Variants in GTPBP1 observed in about 807,000 individuals in gnomAD.
The protein encoded by GTPBP1 is GTP binding protein 1.
Under a neutral mutation model 62.0 loss-of-function variants are expected in GTPBP1, and 23 were observed. The ratio of observed to expected loss-of-function variants is 0.37; its 90% CI spans 0.27 to 0.53. The LOEUF (loss-of-function observed/expected upper bound fraction) is 0.53. Among genes scored for constraint, GTPBP1 ranks in the 20% least tolerant of loss-of-function variants. The probability of loss-of-function intolerance (pLI) is 0.89; values close to 1 mark genes in which losing one functional copy is unlikely to be tolerated. For missense variants in GTPBP1, 640 were observed against 917.3 expected (o/e 0.70, Z 3.90); for synonymous variants, 344 against 364.4 (o/e 0.94, Z 0.64).
rs2092731177 is a variant in GTPBP1 at position 38,727,187 on chromosome 22, G to C, written c.1402-26G>C. ...AACCAGAAGGCATAATTGTCCCTGAGGGCTGGGGCTCCCTCTTTCTTTCAG... is the reference window on the plus strand; with the variant it reads ...AACCAGAAGGCATAATTGTCCCTGACGGCTGGGGCTCCCTCTTTCTTTCAG... On this transcript the variant is annotated intron_variant, in intron 8 of 11. Transcript: ENST00000216044. This position sits in a 1 kb window ranked among gnomAD's most constrained non-coding sequence, Gnocchi z 6.5. The C allele has an allele frequency of 6.5e-7, 1 of 1,549,390 alleles. No individual in the cohort carries two copies. Among genetic ancestry groups the C allele is most frequent in the East Asian group, 2.5e-5 (1 of 40,712 alleles).
downstream of GTPBP1, chr22:38,741,666 C>A: frequency 8.4e-7 from 1 of 1,186,042 alleles, no homozygotes; most frequent in South Asian, 1.3e-5. Context: ...CAAACAAGGT[C>A]TGTTTGCTTC....
At chr22:38,734,264 G>T, downstream of GTPBP1, 1 of 464,912 alleles carries the variant, frequency 2.2e-6, no homozygotes, top group Admixed American at 2.4e-5. Context: ...AAAGGTCAGG[G>T]CCTGTTTTTC....
intron 4 of GTPBP1, 139 bp from the exon 5 acceptor site, chr22:38,721,603 C>G (rs1236911258): frequency 3.1e-6 from 2 of 638,644 alleles, no homozygotes; most frequent in South Asian, 4.8e-5. Flanking sequence ...GATTTTGACG[C>G]CCCACATCAT....
At chr22:38,715,855 G>T in intron 2 of GTPBP1, 52 bp from the exon 3 acceptor site, 1 of 1,490,738 alleles carries the variant, frequency 6.7e-7, no homozygotes, top group Non-Finnish European at 9.1e-7. Context: ...TGGTTGGCAG[G>T]CTGGTTGGTC....
At chr22:38,706,729 G>A (rs1440671912) in intron 1 of GTPBP1, 1 of 152,248 alleles carries the variant, frequency 6.6e-6, no homozygotes, top group Non-Finnish European at 1.5e-5. Flanking sequence ...TACTTTTCGA[G>A]GCCACCCGAA....
At chr22:38,738,774 T>C (rs2092829002), downstream of GTPBP1, 6 of 1,611,598 alleles carry the variant, frequency 3.7e-6, no homozygotes, top group South Asian at 1.1e-5. The surrounding 1 kb of genome is among the most constrained non-coding windows in gnomAD (Gnocchi z 6.6). Flanking sequence ...CAGAAAGTCA[T>C]GTCAGGACAG....
downstream of GTPBP1, chr22:38,738,295 G>T (rs764991301): frequency 1.3e-6 from 2 of 1,594,218 alleles, no homozygotes; most frequent in East Asian, 4.5e-5. This position sits in a 1 kb window ranked among gnomAD's most constrained non-coding sequence, Gnocchi z 6.6. Flanking sequence ...AAGTGGGGAG[G>T]GGCTGGAGCA....
chr22:38,718,903 A>G (rs2092685048), intron 4 of GTPBP1, among the ~76,000 whole-genome samples: 2 of 152,262 alleles, frequency 1.3e-5, no homozygotes, highest in Non-Finnish European at 2.9e-5. Context: ...AGAATAGTAT[A>G]ACCAATACCA....
chr22:38,706,136 C>G lies in GTPBP1; in HGVS notation c.181C>G (p.Leu61Val), dbSNP rs1300413064. 7.9e-7 allele frequency: 1 copy of G among 1,270,520 alleles called. No individual in the cohort carries two copies. Among genetic ancestry groups the G allele is most frequent in the Non-Finnish European group, 9.9e-7 (1 of 1,006,998 alleles). 78.7% of individuals were successfully genotyped at this position (1,270,520 alleles called of 1,614,324 possible). A position where few individuals can be genotyped will look rare whatever the true frequency, so the allele number is the denominator to read the frequency against. Reference protein sequence around the residue: ...EALNGEPELDLTSKLVLVSPT... With the variant: ...EALNGEPELDVTSKLVLVSPT... ...GCTCAACGGCGAGCCAGAGCTGGAC[C>G]TCACCAGCAAGGTAGGCCCGGGCGG... Residue 61 changes from leucine (L) to valine (V), a missense_variant, in exon 1 of 12, where the codon CTC (leucine) becomes GTC (valine). By Grantham distance (32) the Leu-to-Val change is conservative (BLOSUM62 1). Coordinates refer to ENST00000216044, the MANE Select transcript of GTPBP1 (RefSeq NM_004286.5).
rs2092673233 is a variant in GTPBP1 at position 38,716,711 on chromosome 22, A to G, written c.545A>G (p.His182Arg). 4 of 1,614,160 alleles carry G rather than the reference A, an allele frequency of 2.5e-6. No individual in the cohort carries two copies. Among genetic ancestry groups the G allele is most frequent in the Non-Finnish European group, 3.4e-6 (4 of 1,180,018 alleles). The change falls in exon 4 of 12, where the codon CAT (histidine) becomes CGT (arginine). Residue 182 changes from histidine to arginine, a missense_variant. Coordinates refer to ENST00000216044, the MANE Select transcript of GTPBP1 (RefSeq NM_004286.5). This position sits in a 1 kb window ranked among gnomAD's most constrained non-coding sequence, Gnocchi z 5.2. Reference sequence around the variant, plus strand: ...AGCACGCTTCTGGGGGTCCTGACACATGGGGAGCTGGACAATGGCCGAGGC... The same window carrying G: ...AGCACGCTTCTGGGGGTCCTGACACGTGGGGAGCTGGACAATGGCCGAGGC... ...GKSTLLGVLT[H>R]GELDNGRGFA...
chr22:38,723,893 G>T (rs1482599884), intron 5 of GTPBP1, among the ~76,000 whole-genome samples: 2 of 152,158 alleles, frequency 1.3e-5, no homozygotes, highest in Non-Finnish European at 2.9e-5. Flanking sequence ...CATAATAAGG[G>T]TCTCTGTAGA....
At chr22:38,720,797 G>T (rs547662043) in intron 4 of GTPBP1, among the ~76,000 whole-genome samples, 1 of 152,218 alleles carries the variant, frequency 6.6e-6, no homozygotes, top group Non-Finnish European at 1.5e-5. Context: ...GACACTTCAT[G>T]TGTGTTGTGA....
Position 38,723,047 on chromosome 22 carries a change from T to C in GTPBP1, c.958+1182T>C. The C allele has an allele frequency of 5.1e-6, 4 of 786,664 alleles. No homozygotes were observed. In the South Asian group the frequency reaches 5.6e-5, roughly 11 times the overall value. 48.7% of individuals were successfully genotyped at this position (786,664 alleles called of 1,614,324 possible). On this transcript the variant is annotated intron_variant, in intron 5 of 11. Transcript: ENST00000216044. Reference sequence around the variant, plus strand: ...TGACAAGAGTGGGATGTTCATGTGGTCCAAACCACCATTATTTCTTGGTGT... The same window carrying C: ...TGACAAGAGTGGGATGTTCATGTGGCCCAAACCACCATTATTTCTTGGTGT...
chr22:38,714,462 G>C (rs2092657546), intron 2 of GTPBP1, among the ~76,000 whole-genome samples: 1 of 133,634 alleles, frequency 7.5e-6, no homozygotes, highest in African/African-American at 2.9e-5. Flanking sequence ...CTGGGTGACA[G>C]AGTGAGACTC....
At chr22:38,738,228 A>C, downstream of GTPBP1, 1 of 1,613,994 alleles carries the variant, frequency 6.2e-7, no homozygotes, top group Non-Finnish European at 8.5e-7. The surrounding 1 kb of genome is among the most constrained non-coding windows in gnomAD (Gnocchi z 6.6). Flanking sequence ...GAACTTGCCA[A>C]GGAGTGTCCC....
rs564641295 is a variant in GTPBP1, at chr22:38,717,011, G to A, written c.834+11G>A. 7 of 1,558,572 alleles carry A rather than the reference G, an allele frequency of 4.5e-6. No homozygotes were observed. In the South Asian group the frequency reaches 7.8e-5, roughly 17 times the overall value. ...TTCTGCATGCTCATGGTGAGTGGGA[G>A]GCGCCCCAAGGAGGGGAGGCGTCAG... On this transcript the variant is annotated intron_variant, in intron 4 of 11. Coordinates refer to ENST00000216044, the MANE Select transcript of GTPBP1 (RefSeq NM_004286.5).
At chr22:38,740,302 G>T, downstream of GTPBP1, 1 of 1,603,950 alleles carries the variant, frequency 6.2e-7, no homozygotes, top group East Asian at 2.2e-5. The surrounding 1 kb of genome is among the most constrained non-coding windows in gnomAD (Gnocchi z 4.8). Flanking sequence ...TGGGGCAGCA[G>T]GCCCACTTCT....
At chr22:38,725,678 T>G in intron 6 of GTPBP1, 2 of 270,338 alleles carry the variant, frequency 7.4e-6, no homozygotes, top group Non-Finnish European at 1.4e-5. Context: ...GGAAAGGCGG[T>G]TAAGGATTTT....
downstream of GTPBP1, chr22:38,740,330 C>A: frequency 6.3e-7 from 1 of 1,599,598 alleles, no homozygotes; most frequent in South Asian, 1.1e-5. This position sits in a 1 kb window ranked among gnomAD's most constrained non-coding sequence, Gnocchi z 4.8. Flanking sequence ...CCGAGCTCTG[C>A]TTCAGTGCCA....
Sources: gnomAD v4.1 joint callset for allele counts (sites outside exome capture counted in the v4.1 genomes callset) on GRCh38, gnomAD v4.1.1 for gene constraint, Gnocchi (gnomAD v3.1) non-coding constraint, MANE v1.5 for transcripts, NCBI Gene and HGNC (gene_info 2026-07-23, HGNC 2026-07-21) for gene names.